Variants in HDAC8 observed in about 807,000 individuals in gnomAD.
HDAC8 encodes histone deacetylase-like 1.
A neutral mutation model predicts 32.2 loss-of-function variants in HDAC8; 1 was observed. That is an observed-to-expected ratio of 0.03 (90% CI 0.01 to 0.15). The LOEUF (loss-of-function observed/expected upper bound fraction) is 0.15, where lower values mean the gene tolerates loss of function less well. HDAC8 is among the 10% of genes least tolerant of loss of function. The pLI is 1.00. For synonymous variants in HDAC8, 108 were observed against 113.9 expected (o/e 0.95, Z 0.33); for missense variants, 117 against 300.0 (o/e 0.39, Z 4.51).
rs138440622 is a variant in HDAC8, at chrX:72,557,798, G to A, written c.437+10091C>T. On this transcript the variant is annotated intron_variant, in intron 4 of 10. Coordinates refer to ENST00000373573, the MANE Select transcript of HDAC8 (RefSeq NM_018486.3). ...ATACAAAAGATAAATGAAGCAAAAC[G>A]CTGGTTCTTTTAAAATAAATAAAAT... 7.3e-3 allele frequency among the ~76,000 whole-genome samples: 812 copies of A among 111,332 alleles called. 12 individuals are homozygous for A. The highest frequency in any genetic ancestry group is 0.025 in the African/African-American group (767 of 30,707).
intron 10 of HDAC8, among the ~76,000 whole-genome samples, chrX:72,350,340 C>T (rs1446517095): frequency 1.8e-5 from 2 of 111,839 alleles, no homozygotes; most frequent in Non-Finnish European, 3.8e-5. Context: ...GCTAAATGAG[C>T]TCAGGACATG....
At chrX:72,364,876 C>G (rs2044654200) in intron 9 of HDAC8, among the ~76,000 whole-genome samples, 1 of 111,456 alleles carries the variant, frequency 9.0e-6, no homozygotes, top group Non-Finnish European at 1.9e-5. Context: ...CTGTGATATT[C>G]CCATTGTTTG....
chrX:72,554,526 C>CGCGGGGAGA (rs2147515532), intron 4 of HDAC8, among the ~76,000 whole-genome samples: 1 of 106,264 alleles, frequency 9.4e-6, no homozygotes, highest in East Asian at 3.0e-4. Flanking sequence ...GGGCGGGGAG[C>CGCGGGGAGA]GCGGGGAGCG....
intron 9 of HDAC8, among the ~76,000 whole-genome samples, chrX:72,396,327 C>G (rs1174644536): frequency 8.9e-6 from 1 of 112,237 alleles, no homozygotes; most frequent in South Asian, 3.7e-4. Context: ...TACTCCTGAC[C>G]TAGCTGGGGA....
intron 9 of HDAC8, among the ~76,000 whole-genome samples, chrX:72,438,533 T>C (rs2047020635): frequency 9.0e-6 from 1 of 111,532 alleles, no homozygotes; most frequent in African/African-American, 3.3e-5. Context: ...AGGAGCATGT[T>C]CTAACCCAAT....
chrX:72,484,188 T>G (rs1329575338), intron 7 of HDAC8, among the ~76,000 whole-genome samples: 1 of 112,178 alleles, frequency 8.9e-6, no homozygotes, highest in African/African-American at 3.2e-5. Flanking sequence ...CTATACAATA[T>G]AAGCCATAGA....
rs782662702 is a variant in HDAC8 at position 72,464,751 on chromosome X, T to C, written c.738-20A>G. 3 of 1,140,686 alleles carry C rather than the reference T, an allele frequency of 2.6e-6. No individual in the cohort carries two copies. The highest frequency in any genetic ancestry group is 2.4e-6 in the Non-Finnish European group (2 of 832,002). 94.0% of individuals were successfully genotyped at this position (1,140,686 alleles called of 1,213,427 possible). On this transcript the variant is annotated intron_variant, in intron 7 of 10. Coordinates refer to ENST00000373573, the MANE Select transcript of HDAC8 (RefSeq NM_018486.3). ...AGTACACTATATAAAATAGAAAGGATACAAAATATAGGTCAGTTTGGTCTA... is the reference window on the plus strand; with the variant it reads ...AGTACACTATATAAAATAGAAAGGACACAAAATATAGGTCAGTTTGGTCTA...
intron 7 of HDAC8, among the ~76,000 whole-genome samples, chrX:72,475,886 C>T (rs1405735929): frequency 2.7e-5 from 3 of 111,328 alleles, no homozygotes; most frequent in African/African-American, 6.5e-5. Flanking sequence ...TTTTAATTTT[C>T]GTAACGTAAT....
chrX:72,521,456 T>A (rs2049979367), intron 4 of HDAC8, among the ~76,000 whole-genome samples: 1 of 111,346 alleles, frequency 9.0e-6, no homozygotes, highest in Non-Finnish European at 1.9e-5. Flanking sequence ...TAGATTTTGG[T>A]ACTGAAATGC....
At chrX:72,431,158 A>G (rs1389007413) in intron 9 of HDAC8, among the ~76,000 whole-genome samples, 3 of 110,480 alleles carry the variant, frequency 2.7e-5, no homozygotes, top group African/African-American at 9.9e-5. Flanking sequence ...CTCTTTCTCC[A>G]TCACCTTCAT....
chrX:72,412,143 CACAG>C (rs2046213828), intron 9 of HDAC8, among the ~76,000 whole-genome samples: 1 of 111,638 alleles, frequency 9.0e-6, no homozygotes, highest in Admixed American at 9.5e-5. Context: ...GAAATAAGAG[CACAG>C]ACAGTTTCTT....
At chrX:72,484,641 A>T (rs782152314) in intron 7 of HDAC8, among the ~76,000 whole-genome samples, 1 of 112,101 alleles carries the variant, frequency 8.9e-6, no homozygotes, top group Non-Finnish European at 1.9e-5. Context: ...AGAATTAAGA[A>T]GTATTGGCAC....
chrX:72,351,629 G>T, intron 10 of HDAC8, 104 bp downstream of exon 10: 1 of 524,467 alleles, frequency 1.9e-6, no homozygotes, highest in Non-Finnish European at 3.2e-6. Flanking sequence ...TCAGTGAAAT[G>T]ATTAGCTTAC....
intron 4 of HDAC8, among the ~76,000 whole-genome samples, chrX:72,527,810 T>C (rs2050203474): frequency 9.8e-6 from 1 of 101,700 alleles, no homozygotes; most frequent in African/African-American, 3.6e-5. Context: ...AGTTTTGCTC[T>C]TGTCACCCAG....
chrX:72,543,235 G>GAA (rs1482387176), intron 4 of HDAC8, among the ~76,000 whole-genome samples: 39 of 111,755 alleles, frequency 3.5e-4, no homozygotes, highest in African/African-American at 1.3e-3. Flanking sequence ...TAGTGGGCTA[G>GAA]AAACGATTGA....
At chrX:72,463,184 G>T (rs782044511) in intron 8 of HDAC8, among the ~76,000 whole-genome samples, 1 of 111,246 alleles carries the variant, frequency 9.0e-6, no homozygotes, top group Non-Finnish European at 1.9e-5. Flanking sequence ...CTCCTGACAC[G>T]GAAAAATCTG....
chrX:72,483,967 A>T (rs782312231), intron 7 of HDAC8, among the ~76,000 whole-genome samples: 1 of 112,096 alleles, frequency 8.9e-6, no homozygotes, highest in African/African-American at 3.2e-5. Context: ...TGGGTAGGCT[A>T]CTTGGGTAAG....
chrX:72,429,019 CTTTCTTTT>C (rs1335462021), intron 9 of HDAC8, among the ~76,000 whole-genome samples: 7 of 86,400 alleles, frequency 8.1e-5, no homozygotes, highest in Admixed American at 4.0e-4. Flanking sequence ...TTCTTTCTTT[CTTTCTTTT>C]TTTTTTTTTG....
At chrX:72,419,059 T>C (rs924133802) in intron 9 of HDAC8, among the ~76,000 whole-genome samples, 42 of 111,975 alleles carry the variant, frequency 3.8e-4, no homozygotes, top group African/African-American at 1.3e-3. Flanking sequence ...GTTTTGAAAT[T>C]GGATCTCCTA....
Sources: allele counts gnomAD v4.1 joint callset (sites outside exome capture counted in the v4.1 genomes callset), GRCh38; gene constraint gnomAD v4.1.1; transcripts MANE v1.5; gene names NCBI Gene and HGNC (gene_info 2026-07-23, HGNC 2026-07-21).